Variants in CDH19 observed in about 807,000 individuals in gnomAD.
The protein encoded by CDH19 is cadherin-19.
CDH19 carries 67 observed loss-of-function variants against 64.2 expected under a neutral mutation model. The ratio of observed to expected loss-of-function variants is 1.04; its 90% confidence interval spans 0.86 to 1.28. CDH19 has a LOEUF of 1.28. CDH19 is among the 50% of genes most tolerant of loss of function. The pLI, the probability that CDH19 is intolerant of heterozygous loss-of-function variation, is 0.00. For missense variants in CDH19, 1,030 were observed against 929.0 expected, an observed-to-expected ratio of 1.11 and a Z score of -1.41; for synonymous variants, 346 against 319.3, an observed-to-expected ratio of 1.08 and a Z score of -0.89.
intron 6 of CDH19, 94 bp downstream of exon 6, chr18:66,544,618 ATTTCAAT>A: frequency 4.1e-6 from 3 of 732,586 alleles, no homozygotes; most frequent in Non-Finnish European, 6.3e-6. Flanking sequence ...ACTGGTTCTC[ATTTCAAT>A]TATTTAATGA....
intron 1 of CDH19, 119 bp downstream of exon 1, chr18:66,603,834 AT>A (rs1181174914): frequency 6.6e-6 from 1 of 151,932 alleles, no homozygotes; most frequent in Non-Finnish European, 1.5e-5. Flanking sequence ...CTATGTAAAT[AT>A]TTTCCTTAAT....
chr18:66,586,807 G>A (rs576864282), intron 1 of CDH19, among the ~76,000 whole-genome samples: 27 of 152,182 alleles, frequency 1.8e-4, no homozygotes, highest in African/African-American at 6.3e-4. Flanking sequence ...TTAGAACAAT[G>A]TTAAGAAAAA....
chr18:66,520,120 G>C (rs1985915687), intron 9 of CDH19, among the ~76,000 whole-genome samples: 1 of 152,108 alleles, frequency 6.6e-6, no homozygotes, highest in African/African-American at 2.4e-5. Context: ...GGGAGGCAGA[G>C]GTTGCAGTGA....
intron 9 of CDH19, among the ~76,000 whole-genome samples, chr18:66,516,665 T>G (rs137864926): frequency 6.6e-6 from 1 of 152,178 alleles, no homozygotes; most frequent in East Asian, 1.9e-4. Context: ...TAAATATAAT[T>G]GATTTATAAA....
At position 66,504,928 on chromosome 18, in the gene CDH19, A is replaced by C; in HGVS notation, c.2203T>G (p.Ser735Ala). 1 of 1,613,474 alleles carries C rather than the reference A, an allele frequency of 6.2e-7. No individual in the cohort carries two copies. The highest frequency in any genetic ancestry group is 8.5e-7 in the Non-Finnish European group (1 of 1,179,712). ...GTGSLAGSLSSLESAVSDQDE... is the reference protein window; with the variant it reads ...GTGSLAGSLSALESAVSDQDE... ...TGATCAGAGACTGCTGATTCTAAGG[A>C]GCTCAGGGATCCAGCTAATGACCCT... is the stretch of plus-strand genomic sequence containing the variant. The change falls in exon 12 of 12, where the codon TCC becomes GCC. Residue 735 changes from serine (S) to alanine (A), a missense_variant. Ser to Ala is a moderately conservative substitution (Grantham distance 99). Coordinates refer to ENST00000262150, the MANE Select transcript of CDH19 (RefSeq NM_021153.4).
chr18:66,538,843 T>C (rs1157695649), intron 7 of CDH19, among the ~76,000 whole-genome samples: 2 of 152,088 alleles, frequency 1.3e-5, no homozygotes, highest in Non-Finnish European at 2.9e-5. Context: ...TCTGCTTCGG[T>C]TGTCACATGG....
chr18:66,508,799 C>T (rs961124589), intron 11 of CDH19, among the ~76,000 whole-genome samples, 196 bp downstream of exon 11: 1 of 151,880 alleles, frequency 6.6e-6, no homozygotes, highest in African/African-American at 2.4e-5. Flanking sequence ...CACTTATTTA[C>T]TCCACTTGAT....
intron 10 of CDH19, 140 bp downstream of exon 10, chr18:66,511,428 T>C: frequency 1.9e-6 from 1 of 532,836 alleles, no homozygotes; most frequent in Admixed American, 3.7e-5. Flanking sequence ...TGTTTTCCAT[T>C]TTAATTGTTA....
At chr18:66,579,999 G>T (rs1214045741) in intron 1 of CDH19, among the ~76,000 whole-genome samples, 1 of 152,000 alleles carries the variant, frequency 6.6e-6, no homozygotes, top group African/African-American at 2.4e-5. Context: ...GTGGTAAATT[G>T]ATAATAATTG....
intron 1 of CDH19, among the ~76,000 whole-genome samples, chr18:66,582,872 T>C (rs1988465276): frequency 1.3e-5 from 2 of 152,098 alleles, no homozygotes; most frequent in South Asian, 4.1e-4. Context: ...GCAGCATATG[T>C]GAAGTGGTAA....
In CDH19 at chr18:66,520,146, C is replaced by T. The variant is rs550308437; in HGVS notation, c.1459-8461G>A. Reference sequence around the variant, plus strand: ...GTTGCAGTGAGCCGAGATTGCACTACTGCACTCCAGCCTGGGTGACACAGC... The same window carrying T: ...GTTGCAGTGAGCCGAGATTGCACTATTGCACTCCAGCCTGGGTGACACAGC... On this transcript the variant is annotated intron_variant, in intron 9 of 11. Coordinates refer to ENST00000262150, the MANE Select transcript of CDH19 (RefSeq NM_021153.4). 7.9e-5 allele frequency among the ~76,000 whole-genome samples: 12 copies of T among 152,188 alleles called. No homozygotes were observed. In the South Asian group the frequency reaches 8.3e-4, roughly 11 times the overall value.
rs367958904 is a variant in CDH19 at position 66,544,881 on chromosome 18, A to G, written c.798T>C (p.Ser266=). ...FKESLYRLTV[S]ESAPTGTSIG... is the part of the protein sequence containing the mutation. ...TAGAAGTCCCAGTGGGTGCAGATTC[A>G]GAGACAGTCAAGCGGTATAAACCTT... is the stretch of plus-strand genomic sequence containing the variant. Residue 266 remains serine (S), a synonymous_variant, in exon 6 of 12, where the codon TCT becomes TCC. Coordinates refer to ENST00000262150, the MANE Select transcript of CDH19 (RefSeq NM_021153.4). 3.2e-5 allele frequency: 52 copies of G among 1,609,420 alleles called. No homozygotes were observed. The highest frequency in any genetic ancestry group is 4.0e-5 in the Non-Finnish European group (47 of 1,178,236).
At chr18:66,590,472 G>T in intron 1 of CDH19, among the ~76,000 whole-genome samples, 1 of 151,352 alleles carries the variant, frequency 6.6e-6, no homozygotes, top group South Asian at 2.1e-4. Flanking sequence ...CTTTAGAGCT[G>T]GTACCTTTAA....
intron 7 of CDH19, 131 bp downstream of exon 7, chr18:66,543,840 G>A (rs1014545266): frequency 2.0e-5 from 13 of 640,718 alleles, no homozygotes; most frequent in Non-Finnish European, 2.5e-5. Flanking sequence ...CTGAGATTGC[G>A]CCACTGTACT....
chr18:66,544,123 G>A lies in CDH19; in HGVS notation c.1062C>T (p.Thr354=), dbSNP rs1987007781. 1 of 1,613,956 alleles carries A rather than the reference G, an allele frequency of 6.2e-7. No homozygotes were observed. Among genetic ancestry groups the A allele is most frequent in the Non-Finnish European group, 8.5e-7 (1 of 1,179,936 alleles). Residue 354 remains threonine (T), a synonymous_variant, in exon 7 of 12, where the codon ACC becomes ACT. Coordinates refer to ENST00000262150, the MANE Select transcript of CDH19 (RefSeq NM_021153.4). ...QLMKYHTEAS[T]TFIKIQVEDV... is the part of the protein sequence containing the mutation. ...CTTCCACCTGGATCTTAATGAAAGT[G>A]GTGGAAGCCTCAGTGTGGTACTTCA... is the stretch of plus-strand genomic sequence containing the variant.
chr18:66,531,608 C>A (rs1195748326), intron 8 of CDH19, among the ~76,000 whole-genome samples: 1 of 151,954 alleles, frequency 6.6e-6, no homozygotes, highest in African/African-American at 2.4e-5. Flanking sequence ...AGAGTGAAAC[C>A]CTGACTCAGA....
chr18:66,537,672 C>T (rs900183666), intron 7 of CDH19, among the ~76,000 whole-genome samples: 1 of 152,022 alleles, frequency 6.6e-6, no homozygotes, highest in African/African-American at 2.4e-5. Context: ...CCACAAGATG[C>T]TCCAGGATGA....
chr18:66,593,588 A>G (rs1988803430), intron 1 of CDH19, among the ~76,000 whole-genome samples: 1 of 152,072 alleles, frequency 6.6e-6, no homozygotes, highest in Non-Finnish European at 1.5e-5. Flanking sequence ...TGTATTAAAA[A>G]ATAAACTAGT....
rs777872694 is a variant in CDH19 at position 66,504,995 on chromosome 18, G to A, written c.2136C>T (p.Ala712=). ...AGGTCTGGAGGGAATCAAAAGGAGGGGCACACGGATCAGTATTAGCTTCTT... is the reference window on the plus strand; with the variant it reads ...AGGTCTGGAGGGAATCAAAAGGAGGAGCACACGGATCAGTATTAGCTTCTT... The part of the protein sequence containing the change: ...KLEEANTDPC[A]PPFDSLQTYA... The change falls in exon 12 of 12, where the codon GCC becomes GCT. Residue 712 remains alanine (A), a synonymous_variant. Coordinates refer to ENST00000262150, the MANE Select transcript of CDH19 (RefSeq NM_021153.4). 3.0e-5 allele frequency: 48 copies of A among 1,613,412 alleles called. 1 individual carries two copies. In the Admixed American group the frequency reaches 7.0e-4, roughly 24 times the overall value.
Sources: allele counts gnomAD v4.1 joint callset (sites outside exome capture counted in the v4.1 genomes callset), GRCh38; gene constraint gnomAD v4.1.1; transcripts MANE v1.5; gene names NCBI Gene and HGNC (gene_info 2026-07-23, HGNC 2026-07-21).